Variants in SLC39A11 observed in about 807,000 individuals in gnomAD.
The protein encoded by SLC39A11 is solute carrier family 39 member 11.
In SLC39A11, 33 loss-of-function variants were observed where a neutral mutation model predicts 36.1. The observed-to-expected ratio is 0.91, with a 90% CI of 0.69 to 1.22. The LOEUF (loss-of-function observed/expected upper bound fraction) is 1.22. SLC39A11 is among the 50% of genes most tolerant of loss of function. The pLI is 0.00. For synonymous variants in SLC39A11, 166 were observed against 170.3 expected, an observed-to-expected ratio of 0.97 and a Z score of 0.20; for missense variants, 432 against 430.3, an observed-to-expected ratio of 1.00 and a Z score of -0.03.
chr17:72,773,027 A>C (rs1430536915), intron 6 of SLC39A11, among the ~76,000 whole-genome samples: 1 of 152,200 alleles, frequency 6.6e-6, no homozygotes, highest in African/African-American at 2.4e-5. Context: ...TGGAGGTTGC[A>C]GTGAGCCGAG....
chr17:72,799,501 G>A (rs1272919016), intron 6 of SLC39A11, among the ~76,000 whole-genome samples: 3 of 152,142 alleles, frequency 2.0e-5, no homozygotes, highest in African/African-American at 2.4e-5. Flanking sequence ...TGCAAGTAGG[G>A]AAGATATTGC....
chr17:72,767,483 A>G (rs1229275787), intron 6 of SLC39A11, among the ~76,000 whole-genome samples: 1 of 152,200 alleles, frequency 6.6e-6, no homozygotes, highest in African/African-American at 2.4e-5. Flanking sequence ...TGTAGGGGAG[A>G]CAGAGCAGAC....
In SLC39A11 at chr17:72,963,392, G is replaced by C. The variant is rs1030591131; in HGVS notation, c.307-15517C>G. Among the ~76,000 whole-genome samples, 9 of 151,608 alleles carry C rather than the reference G, an allele frequency of 5.9e-5. 1 individual carries two copies. In the South Asian group the frequency reaches 1.5e-3, roughly 25 times the overall value. ...TCACCGTGTTAGCCAGGATGGTCTT[G>C]ATCTCCTGACCTCGTGATCCGCCCA... On this transcript the variant is annotated intron_variant, in intron 4 of 9. Coordinates refer to ENST00000255559, the MANE Select transcript of SLC39A11 (RefSeq NM_139177.4).
chr17:72,757,991 T>G (rs1342191573), intron 6 of SLC39A11, among the ~76,000 whole-genome samples: 1 of 152,184 alleles, frequency 6.6e-6, no homozygotes, highest in Non-Finnish European at 1.5e-5. Flanking sequence ...GTTCAAGTGA[T>G]TCTCCTGCCT....
intron 4 of SLC39A11, among the ~76,000 whole-genome samples, chr17:72,972,849 C>T (rs1475936650): frequency 1.3e-5 from 2 of 152,100 alleles, no homozygotes; most frequent in African/African-American, 2.4e-5. Flanking sequence ...CCTTCCCTGC[C>T]AAGGTCAAGT....
chr17:73,043,627 G>A (rs1233908401), intron 3 of SLC39A11, among the ~76,000 whole-genome samples: 4 of 152,168 alleles, frequency 2.6e-5, no homozygotes, highest in Admixed American at 1.3e-4. Context: ...ATTGATTTAA[G>A]TGGGGAGATG....
chr17:72,865,222 T>C (rs990173206), intron 5 of SLC39A11, among the ~76,000 whole-genome samples: 2 of 151,992 alleles, frequency 1.3e-5, no homozygotes, highest in South Asian at 4.2e-4. Context: ...GGTGTTACTG[T>C]CCACATGGAG....
At chr17:72,714,976 G>T (rs766322820) in intron 7 of SLC39A11, among the ~76,000 whole-genome samples, 2 of 152,182 alleles carry the variant, frequency 1.3e-5, no homozygotes, top group Non-Finnish European at 2.9e-5. Context: ...ACTTCACCTC[G>T]CATCTTGCAT....
At chr17:72,917,813 G>A (rs2083420346) in intron 5 of SLC39A11, among the ~76,000 whole-genome samples, 2 of 152,214 alleles carry the variant, frequency 1.3e-5, no homozygotes, top group South Asian at 4.1e-4. Flanking sequence ...GAGCTGCGTT[G>A]TTTTCTCCAG....
chr17:72,938,512 C>G (rs941337648), intron 5 of SLC39A11, among the ~76,000 whole-genome samples: 2 of 152,278 alleles, frequency 1.3e-5, no homozygotes, highest in East Asian at 1.9e-4. Context: ...TGAATAAATG[C>G]AAAGGACTCC....
rs752900567 is a variant in SLC39A11, at chr17:73,031,632, G to T, written c.230C>A (p.Ala77Asp). 2.3e-5 allele frequency: 37 copies of T among 1,614,060 alleles called. No individual in the cohort carries two copies. Among genetic ancestry groups the T allele is most frequent in the African/African-American group, 5.3e-5 (4 of 74,916 alleles). The change falls in exon 4 of 10, where the codon GCC (alanine) becomes GAC (aspartate). Residue 77 changes from alanine (A) to aspartate (D), a missense_variant. Transcript: ENST00000255559. Reference sequence around the variant, plus strand: ...GAAGCCAACAGCCACAGGGAAGAAGGCAAAGGCACCGAAGCCCCCAGAGGA... The same window carrying T: ...GAAGCCAACAGCCACAGGGAAGAAGTCAAAGGCACCGAAGCCCCCAGAGGA... ...ATSSGGFGAFAFFPVAVGFTL... is the reference protein window; with the variant it reads ...ATSSGGFGAFDFFPVAVGFTL...
rs113786974 is a variant in SLC39A11, at chr17:72,747,725, G to C, written c.602-11006C>G. ...TGATTTGCTGATAACCCTGCATGGC[G>C]TGTCTTTGGTTGCAAAGGTCTAGCA... On this transcript the variant is annotated intron_variant, in intron 6 of 9. Coordinates refer to ENST00000255559, the MANE Select transcript of SLC39A11 (RefSeq NM_139177.4). Among the ~76,000 whole-genome samples the C allele has an allele frequency of 1.1e-3, 172 of 152,266 alleles. 2 individuals carry two copies. The highest frequency in any genetic ancestry group is 6.8e-3 in the Middle Eastern group (2 of 294).
chr17:72,980,767 G>C (rs1341357841), intron 4 of SLC39A11, among the ~76,000 whole-genome samples: 1 of 152,198 alleles, frequency 6.6e-6, no homozygotes, highest in African/African-American at 2.4e-5. Flanking sequence ...GCTCATGCCT[G>C]TAATCCCGAC....
intron 6 of SLC39A11, among the ~76,000 whole-genome samples, chr17:72,739,387 A>G (rs1432056304): frequency 1.3e-5 from 2 of 152,184 alleles, no homozygotes; most frequent in East Asian, 1.9e-4. Context: ...TCAGCCTCCC[A>G]AAGTGCTGGG....
intron 3 of SLC39A11, among the ~76,000 whole-genome samples, chr17:73,042,166 GT>G (rs1468154041): frequency 4.6e-5 from 7 of 152,228 alleles, no homozygotes; most frequent in African/African-American, 1.4e-4. Flanking sequence ...GATGGGTACA[GT>G]TGAGCATTTC....
At chr17:72,986,658 C>A (rs1454523035) in intron 4 of SLC39A11, among the ~76,000 whole-genome samples, 1 of 152,204 alleles carries the variant, frequency 6.6e-6, no homozygotes, top group Admixed American at 6.5e-5. Flanking sequence ...AAATCATCAT[C>A]TGCATTTTAA....
At chr17:72,917,217 C>G (rs2083383151) in intron 5 of SLC39A11, among the ~76,000 whole-genome samples, 1 of 152,244 alleles carries the variant, frequency 6.6e-6, no homozygotes. Context: ...ACACTCTCTT[C>G]TCCACTTCTC....
rs1429076038 is a variant in SLC39A11 at position 72,947,838 on chromosome 17, T to C, written c.344A>G (p.Asn115Ser). 6.2e-7 allele frequency: 1 copy of C among 1,614,124 alleles called. No individual in the cohort carries two copies. Among genetic ancestry groups the C allele is most frequent in the Admixed American group, 1.7e-5 (1 of 60,024 alleles). Residue 115 changes from asparagine (N) to serine (S), a missense_variant, in exon 5 of 10, where the codon AAC becomes AGC. Physicochemically the swap from Asn to Ser is conservative, Grantham distance 46. Transcript: ENST00000255559. ...AEDPQTTLAL[N>S]FGSTLMKKKS... ...CTTCTTCATCAACGTAGAGCCGAAGTTCAGTGCCAGGGTCGTCTGGGGGTC... is the reference window on the plus strand; with the variant it reads ...CTTCTTCATCAACGTAGAGCCGAAGCTCAGTGCCAGGGTCGTCTGGGGGTC...
intron 5 of SLC39A11, among the ~76,000 whole-genome samples, chr17:72,875,399 C>T (rs2080849510): frequency 6.6e-6 from 1 of 152,134 alleles, no homozygotes; most frequent in Admixed American, 6.5e-5. Context: ...AGCCACCTTT[C>T]TGAACACAGC....
Sources: gnomAD v4.1 joint callset for allele counts (sites outside exome capture counted in the v4.1 genomes callset) on GRCh38, gnomAD v4.1.1 for gene constraint, MANE v1.5 for transcripts, NCBI Gene and HGNC (gene_info 2026-07-23, HGNC 2026-07-21) for gene names.